NDC1: variants seen among roughly 807,000 people sequenced by gnomAD.
The protein encoded by NDC1 is nucleoporin NDC1.
A neutral mutation model predicts 89.8 loss-of-function variants in NDC1; 24 were observed. The ratio of observed to expected loss-of-function variants is 0.27; its 90% CI spans 0.19 to 0.38. NDC1 has a LOEUF of 0.38. NDC1 is among the 10% of genes least tolerant of loss of function. NDC1 has a pLI of 1.00. For missense variants in NDC1, 728 were observed against 797.6 expected (o/e 0.91, Z 1.05); for synonymous variants, 296 against 284.8 (o/e 1.04, Z -0.39).
chr1:53,814,818 T>C (rs576297054), intron 6 of NDC1, among the ~76,000 whole-genome samples: 1 of 152,148 alleles, frequency 6.6e-6, no homozygotes, highest in Non-Finnish European at 1.5e-5. Context: ...ACAACTACTA[T>C]GAACAACACC....
intron 9 of NDC1, among the ~76,000 whole-genome samples, chr1:53,804,248 A>G (rs1251413394): frequency 6.6e-6 from 1 of 152,132 alleles, no homozygotes; most frequent in Admixed American, 6.5e-5. Flanking sequence ...TCTTTCATAT[A>G]TCTGCGGTGG....
At chr1:53,828,499 ATTT>A (rs397700607) in intron 3 of NDC1, among the ~76,000 whole-genome samples, 1 of 150,194 alleles carries the variant, frequency 6.7e-6, no homozygotes, top group Non-Finnish European at 1.5e-5. Context: ...AAGAATAATG[ATTT>A]TTTTTTTCAT....
At position 53,796,722 on chromosome 1, in the gene NDC1, C is replaced by A; in HGVS notation, c.1551G>T (p.Val517=). The A allele has an allele frequency of 6.2e-7, 1 of 1,608,392 alleles. No individual in the cohort carries two copies. Residue 517 remains valine, a synonymous_variant, in exon 13 of 18, where the codon GTG becomes GTT. Coordinates refer to ENST00000371429, the MANE Select transcript of NDC1 (RefSeq NM_018087.5). ...GTTTATTCTGAATCCATGAATAAAT[C>A]ACACTGGGTTGTCTCATTGTCTTAC... ...AEGKTMRQPS[V]IYSWIQNKRE... is the part of the protein sequence containing the mutation.
chr1:53,820,548 C>A (rs1648633529), intron 5 of NDC1, among the ~76,000 whole-genome samples: 3 of 151,824 alleles, frequency 2.0e-5, no homozygotes, highest in African/African-American at 7.3e-5. Context: ...AAAAAAATGT[C>A]TTTTCTTGAA....
At chr1:53,772,512 T>C (rs772924335) in intron 16 of NDC1, 23 bp from the exon 17 acceptor site, 2 of 1,608,186 alleles carry the variant, frequency 1.2e-6, no homozygotes, top group East Asian at 2.2e-5. Flanking sequence ...AGAAAACACA[T>C]CAGTTTAGAT....
intron 11 of NDC1, among the ~76,000 whole-genome samples, chr1:53,799,852 T>C (rs778121727): frequency 2.1e-4 from 32 of 152,202 alleles, no homozygotes; most frequent in Non-Finnish European, 4.0e-4. Flanking sequence ...CCTAAGGGAT[T>C]TGGTGAACAA....
intron 2 of NDC1, 39 bp downstream of exon 2, chr1:53,835,461 A>C: frequency 6.4e-7 from 1 of 1,556,212 alleles, no homozygotes; most frequent in Non-Finnish European, 8.7e-7. Context: ...GTTGAGAAGT[A>C]GGTCCTATAA....
chr1:53,772,107 C>T (rs1570150780), intron 17 of NDC1, among the ~76,000 whole-genome samples: 1 of 151,952 alleles, frequency 6.6e-6, no homozygotes, highest in East Asian at 1.9e-4. Context: ...TTATAACTTT[C>T]TGTCTTCTTT....
chr1:53,771,311 A>C (rs1184837686), intron 17 of NDC1, among the ~76,000 whole-genome samples: 1 of 152,226 alleles, frequency 6.6e-6, no homozygotes, highest in Non-Finnish European at 1.5e-5. Flanking sequence ...AGAAAGAAAG[A>C]CTTGATTTCA....
chr1:53,786,097 C>A (rs1370240736), intron 16 of NDC1, among the ~76,000 whole-genome samples: 2 of 151,724 alleles, frequency 1.3e-5, no homozygotes, highest in East Asian at 3.9e-4. Context: ...GCTAATTTTT[C>A]TATTTTTTTG....
intron 10 of NDC1, among the ~76,000 whole-genome samples, chr1:53,802,159 C>G (rs556259558): frequency 6.6e-6 from 1 of 152,256 alleles, no homozygotes; most frequent in African/African-American, 2.4e-5. Flanking sequence ...TATGTTAACT[C>G]AAATCTGATA....
At chr1:53,788,515 C>T (rs1647383238) in intron 15 of NDC1, among the ~76,000 whole-genome samples, 1 of 152,072 alleles carries the variant, frequency 6.6e-6, no homozygotes, top group Non-Finnish European at 1.5e-5. Context: ...GCAACCTCTG[C>T]CTCCTGGGTT....
chr1:53,831,064 A>G (rs913801487), intron 3 of NDC1, among the ~76,000 whole-genome samples: 2 of 151,982 alleles, frequency 1.3e-5, no homozygotes, highest in African/African-American at 2.4e-5. Flanking sequence ...TACTAAAAAT[A>G]CAAAAACAAA....
chr1:53,800,942 G>T, intron 10 of NDC1, 94 bp from the exon 11 acceptor site: 1 of 1,256,032 alleles, frequency 8.0e-7, no homozygotes, highest in Non-Finnish European at 1.1e-6. Context: ...TCTACATTAT[G>T]CTTGGCATCA....
intron 11 of NDC1, among the ~76,000 whole-genome samples, chr1:53,799,935 C>T (rs892087753): frequency 6.6e-6 from 1 of 152,150 alleles, no homozygotes; most frequent in African/African-American, 2.4e-5. Flanking sequence ...AACATTATGC[C>T]CCACTTCCAA....
At chr1:53,834,780 A>G in intron 2 of NDC1, among the ~76,000 whole-genome samples, 1 of 152,298 alleles carries the variant, frequency 6.6e-6, no homozygotes, top group Middle Eastern at 3.4e-3. Context: ...ATTTTAATAC[A>G]TTTAGTAATT....
At chr1:53,775,006 C>T (rs1647150089) in intron 16 of NDC1, among the ~76,000 whole-genome samples, 1 of 152,088 alleles carries the variant, frequency 6.6e-6, no homozygotes, top group South Asian at 2.1e-4. Flanking sequence ...CTGAAATAAG[C>T]AATGTCCTTT....
chr1:53,830,998 G>C (rs1190936835), intron 3 of NDC1, among the ~76,000 whole-genome samples: 1 of 152,140 alleles, frequency 6.6e-6, no homozygotes, highest in Non-Finnish European at 1.5e-5. Flanking sequence ...AAGGCAGGCC[G>C]ATCACGAGGT....
intron 9 of NDC1, among the ~76,000 whole-genome samples, chr1:53,806,028 C>T (rs564756563): frequency 5.9e-5 from 9 of 151,958 alleles, no homozygotes; most frequent in Non-Finnish European, 1.2e-4. Context: ...GAGCCGAGAT[C>T]GCGCCACTGC....
Sources: gnomAD v4.1 joint callset for allele counts (sites outside exome capture counted in the v4.1 genomes callset) on GRCh38, gnomAD v4.1.1 for gene constraint, MANE v1.5 for transcripts, NCBI Gene and HGNC (gene_info 2026-07-23, HGNC 2026-07-21) for gene names.